Variants in TRHDE observed in about 807,000 individuals in gnomAD.
The protein encoded by TRHDE is thyrotropin releasing hormone degrading enzyme.
Under a neutral mutation model 125.7 loss-of-function variants are expected in TRHDE, and 72 were observed. That is an observed-to-expected ratio of 0.57 (90% CI 0.47 to 0.70). The LOEUF is 0.70. Ranked by LOEUF, TRHDE falls within the 30% of genes least tolerant of loss-of-function variation. The pLI, the probability that TRHDE is intolerant of heterozygous loss-of-function variation, is 0.00. For missense variants in TRHDE, 1,110 were observed against 1,327.1 expected (o/e 0.84, Z 2.54); for synonymous variants, 509 against 509.1 (o/e 1.00, Z 0.00).
At chr12:72,544,532 C>T (rs1047123804) in intron 7 of TRHDE, among the ~76,000 whole-genome samples, 4 of 151,398 alleles carry the variant, frequency 2.6e-5, no homozygotes, top group East Asian at 3.9e-4. Context: ...TTTTTATTCT[C>T]CCCCCTTTTT....
At chr12:72,252,041 G>C (rs138735140) in intron 2 of TRHDE, among the ~76,000 whole-genome samples, 30 of 151,952 alleles carry the variant, frequency 2.0e-4, no homozygotes, top group African/African-American at 6.8e-4. Context: ...CTAGATACTA[G>C]TCCTTTGTCA....
At chr12:72,388,033 C>A (rs189328736) in intron 3 of TRHDE, among the ~76,000 whole-genome samples, 3 of 152,074 alleles carry the variant, frequency 2.0e-5, no homozygotes, top group East Asian at 3.9e-4. Context: ...CCTTTACCCC[C>A]CCGGACCCTC....
chr12:72,433,068 A>G (rs1442842555), intron 3 of TRHDE, among the ~76,000 whole-genome samples: 3 of 152,066 alleles, frequency 2.0e-5, no homozygotes, highest in African/African-American at 7.2e-5. Flanking sequence ...CGACCATGTG[A>G]GTTTTGCCCT....
intron 12 of TRHDE, among the ~76,000 whole-genome samples, chr12:72,592,430 A>C (rs888578862): frequency 1.3e-5 from 2 of 152,084 alleles, no homozygotes; most frequent in Non-Finnish European, 2.9e-5. Context: ...ATTAGTTCCA[A>C]CATCTGGTTT....
chr12:72,229,728 G>A (rs937717684), intron 2 of TRHDE, among the ~76,000 whole-genome samples: 6 of 152,040 alleles, frequency 3.9e-5, no homozygotes, highest in Admixed American at 1.3e-4. Flanking sequence ...TATTTATACC[G>A]ATACATAGCT....
intron 15 of TRHDE, among the ~76,000 whole-genome samples, chr12:72,645,875 T>C (rs1874259720): frequency 6.6e-6 from 1 of 152,020 alleles, no homozygotes; most frequent in South Asian, 2.1e-4. Flanking sequence ...AGCAATAATG[T>C]CATTTACAAA....
intron 3 of TRHDE, among the ~76,000 whole-genome samples, chr12:72,466,162 A>G (rs564058851): frequency 6.6e-6 from 1 of 152,272 alleles, no homozygotes; most frequent in Admixed American, 6.5e-5. Context: ...TTTCCACACC[A>G]TATCTGCTTA....
chr12:72,292,895 G>A (rs756135376), intron 2 of TRHDE, among the ~76,000 whole-genome samples: 6 of 152,218 alleles, frequency 3.9e-5, no homozygotes, highest in South Asian at 2.1e-4. Flanking sequence ...TGCTCACTGC[G>A]GAGAGTAGTG....
rs369405952 is a variant in TRHDE at position 72,668,727 on chromosome 12, C to T, written c.*5532C>T. 7 of 151,850 alleles carry T rather than the reference C, an allele frequency of 4.6e-5. No individual in the cohort carries two copies. The South Asian group carries it at 8.3e-4, about 18-fold the overall frequency. 9.4% of individuals were successfully genotyped at this position (151,850 alleles called of 1,614,324 possible). On this transcript the variant is annotated 3_prime_UTR_variant, in exon 19 of 19. Transcript: ENST00000261180. ...TAATAACCCTGTGAAATGTCATTAG[C>T]TCTAATTCACCAAAGAGTAGATGGA...
Position 72,575,166 on chromosome 12 carries a change from G to T in TRHDE, c.2132-89G>T, listed in dbSNP as rs1870931749. On this transcript the variant is annotated intron_variant, in intron 10 of 18. Transcript: ENST00000261180. ...TTAAGATGACATTCACTTAATTATT[G>T]GTATTGTTATATCTGGCGTTAAGAA... is the stretch of plus-strand genomic sequence containing the variant. 14 of 1,193,762 alleles carry T rather than the reference G, an allele frequency of 1.2e-5. 1 individual carries two copies. In the Admixed American group the frequency reaches 1.9e-4, roughly 16 times the overall value. The allele number at this position is 1,193,762 out of a possible 1,614,324, so 73.9% of individuals were successfully genotyped here.
At chr12:72,097,731 G>A (rs755433236) in intron 1 of TRHDE, among the ~76,000 whole-genome samples, 5 of 152,210 alleles carry the variant, frequency 3.3e-5, no homozygotes, top group African/African-American at 4.8e-5. Flanking sequence ...GATTAGAGGC[G>A]TGAGCCACTG....
intron 2 of TRHDE, among the ~76,000 whole-genome samples, chr12:72,211,092 T>G (rs1877771187): frequency 6.6e-6 from 1 of 152,184 alleles, no homozygotes; most frequent in African/African-American, 2.4e-5. Flanking sequence ...ATGAGTCAGG[T>G]GAGTACTGTG....
At chr12:72,204,439 C>T (rs1877623921) in intron 2 of TRHDE, among the ~76,000 whole-genome samples, 2 of 152,108 alleles carry the variant, frequency 1.3e-5, no homozygotes, top group Admixed American at 1.3e-4. Context: ...TTTTCTCTTA[C>T]ACATTCTCCC....
chr12:72,275,372 A>G lies in TRHDE; in HGVS notation c.914+1815A>G, dbSNP rs1043913603. ...AGCTGTATGATAGTTAAAACCTCCT[A>G]TAAGTGAATGTATAAATTATTCACT... is the stretch of plus-strand genomic sequence containing the variant. On this transcript the variant is annotated intron_variant, in intron 1 of 18. Coordinates refer to ENST00000261180, the MANE Select transcript of TRHDE (RefSeq NM_013381.3). Among the ~76,000 whole-genome samples the G allele has an allele frequency of 3.9e-5, 6 of 152,230 alleles. 1 individual carries two copies. The highest frequency in any genetic ancestry group is 1.4e-4 in the African/African-American group (6 of 41,462).
chr12:72,519,677 T>C (rs894013820), intron 6 of TRHDE, among the ~76,000 whole-genome samples: 3 of 152,206 alleles, frequency 2.0e-5, no homozygotes, highest in Non-Finnish European at 4.4e-5. Context: ...CTTTATTCCA[T>C]TGCTGGTGAG....
At chr12:72,243,004 C>T (rs1878512565) in intron 2 of TRHDE, among the ~76,000 whole-genome samples, 1 of 152,192 alleles carries the variant, frequency 6.6e-6, no homozygotes. Context: ...GAGAGACACA[C>T]AAGAAGAGAC....
At chr12:72,310,536 C>CTATGA (rs766847620) in intron 2 of TRHDE, among the ~76,000 whole-genome samples, 258 of 152,086 alleles carry the variant, frequency 1.7e-3, no homozygotes, top group Non-Finnish European at 2.4e-3. Flanking sequence ...TAGAATAAAG[C>CTATGA]AATAAGTGTG....
rs541841669 is a variant in TRHDE, at chr12:72,148,077, G to A, written n.279+42325G>A. On this transcript the variant is annotated intron_variant and non_coding_transcript_variant, in intron 2 of 4. Coordinates refer to the TRHDE transcript ENST00000548156. Reference sequence around the variant, plus strand: ...TAAACTTTAAAGAATCCCAGGAGATGAGCAGAACAAATATTTGTATTTTAG... The same window carrying A: ...TAAACTTTAAAGAATCCCAGGAGATAAGCAGAACAAATATTTGTATTTTAG... Among the ~76,000 whole-genome samples, 10 of 152,302 alleles carry A rather than the reference G, an allele frequency of 6.6e-5. No homozygotes were observed. The East Asian group carries it at 1.7e-3, about 26-fold the overall frequency.
At chr12:72,125,580 C>G (rs1367889186) in intron 2 of TRHDE, among the ~76,000 whole-genome samples, 1 of 152,154 alleles carries the variant, frequency 6.6e-6, no homozygotes, top group Non-Finnish European at 1.5e-5. Context: ...TCCTTCTATT[C>G]ATTGTTCATA....
Sources: gnomAD v4.1 joint callset for allele counts (sites outside exome capture counted in the v4.1 genomes callset) on GRCh38, gnomAD v4.1.1 for gene constraint, MANE v1.5 for transcripts, NCBI Gene and HGNC (gene_info 2026-07-23, HGNC 2026-07-21) for gene names.